Variants in NOL4 observed in about 807,000 individuals in gnomAD.
NOL4 encodes nucleolar protein 4.
Under a neutral mutation model 75.9 loss-of-function variants are expected in NOL4, and 17 were observed. The ratio of observed to expected loss-of-function variants is 0.22; its 90% CI spans 0.15 to 0.34. The LOEUF is 0.34. Among genes scored for constraint, NOL4 ranks in the 10% least tolerant of loss-of-function variants. The pLI, the probability that NOL4 is intolerant of heterozygous loss-of-function variation, is 1.00. For synonymous variants in NOL4, 292 were observed against 289.9 expected (o/e 1.01, Z -0.07); for missense variants, 614 against 793.5 (o/e 0.77, Z 2.72).
At chr18:33,927,612 A>G (rs1343371996) in intron 9 of NOL4, among the ~76,000 whole-genome samples, 2 of 152,178 alleles carry the variant, frequency 1.3e-5, no homozygotes, top group Non-Finnish European at 2.9e-5. Context: ...CTGAGGGTGG[A>G]AATTTGAAAA....
chr18:33,868,563 C>T (rs1029665357), intron 10 of NOL4, among the ~76,000 whole-genome samples: 1 of 151,672 alleles, frequency 6.6e-6, no homozygotes, highest in Non-Finnish European at 1.5e-5. Flanking sequence ...ACATAGATGC[C>T]TGTTACAACA....
At chr18:33,954,839 G>C (rs1263596317) in intron 8 of NOL4, among the ~76,000 whole-genome samples, 1 of 152,032 alleles carries the variant, frequency 6.6e-6, no homozygotes, top group African/African-American at 2.4e-5. Flanking sequence ...AGGTGAAAGA[G>C]AGATCCAGAT....
At chr18:34,150,751 CATT>C (rs1296703952) in intron 1 of NOL4, among the ~76,000 whole-genome samples, 1 of 151,604 alleles carries the variant, frequency 6.6e-6, no homozygotes, top group Admixed American at 6.6e-5. Context: ...AGCTAGACTT[CATT>C]ATAATTCAAA....
chr18:33,872,949 A>G (rs1599696993), intron 10 of NOL4, among the ~76,000 whole-genome samples: 1 of 152,040 alleles, frequency 6.6e-6, no homozygotes, highest in East Asian at 1.9e-4. Context: ...ATTCCTAAAT[A>G]TAACACATTG....
intron 1 of NOL4, among the ~76,000 whole-genome samples, chr18:34,132,892 T>G (rs1320987870): frequency 6.6e-6 from 1 of 152,134 alleles, no homozygotes; most frequent in Non-Finnish European, 1.5e-5. Flanking sequence ...GAGGTCAGAA[T>G]GCAATGGGAT....
intron 1 of NOL4, among the ~76,000 whole-genome samples, chr18:34,209,609 T>C (rs2036374723): frequency 6.6e-6 from 1 of 152,164 alleles, no homozygotes; most frequent in South Asian, 2.1e-4. Context: ...GGAGGTCTCA[T>C]TTGTGTATAT....
chr18:33,941,360 A>G (rs1393019526), intron 9 of NOL4, among the ~76,000 whole-genome samples: 1 of 151,984 alleles, frequency 6.6e-6, no homozygotes, highest in Non-Finnish European at 1.5e-5. Context: ...GGGATATTCT[A>G]GAATGTACAT....
At chr18:33,946,504 C>G (rs914980817) in intron 8 of NOL4, among the ~76,000 whole-genome samples, 5 of 151,746 alleles carry the variant, frequency 3.3e-5, no homozygotes, top group African/African-American at 1.2e-4. Flanking sequence ...AATTCAAATT[C>G]AAGTCTGATG....
At chr18:33,908,753 C>T (rs78425728) in intron 9 of NOL4, among the ~76,000 whole-genome samples, 2,180 of 152,048 alleles carry the variant, frequency 0.014, 18 homozygotes, top group Middle Eastern at 0.037. Context: ...AAGAGGAACA[C>T]GCATAGATAA....
chr18:33,987,479 A>G (rs142324518), intron 6 of NOL4, among the ~76,000 whole-genome samples: 2 of 152,246 alleles, frequency 1.3e-5, no homozygotes, highest in African/African-American at 4.8e-5. Context: ...GGTTTGCACA[A>G]TAATGAGGCA....
At chr18:34,213,472 T>C (rs2036656885) in intron 1 of NOL4, among the ~76,000 whole-genome samples, 1 of 152,122 alleles carries the variant, frequency 6.6e-6, no homozygotes, top group Non-Finnish European at 1.5e-5. Context: ...GTATTTTTAG[T>C]AGAGCCGGGG....
Position 33,855,975 on chromosome 18 carries a change from GT to G in NOL4, c.1724-2941del, listed in dbSNP as rs368657786. 8.1e-3 allele frequency among the ~76,000 whole-genome samples: 1,231 copies of G among 152,028 alleles called. 10 individuals are homozygous for G. Among genetic ancestry groups the G allele is most frequent in the South Asian group, 0.03 (147 of 4,822 alleles). The stretch of plus-strand genomic sequence containing the variant: ...AGGTAGTAGGGCCCCTTAGGACAAA[GT>G]TTTGTTTTTGCAGTGTAAATTCTCT... On this transcript the variant is annotated intron_variant, in intron 10 of 10. Coordinates refer to ENST00000261592, the MANE Select transcript of NOL4 (RefSeq NM_003787.5).
At chr18:34,122,244 G>T (rs1470756063) in intron 2 of NOL4, among the ~76,000 whole-genome samples, 1 of 152,070 alleles carries the variant, frequency 6.6e-6, no homozygotes, top group East Asian at 1.9e-4. Flanking sequence ...GAGATAGATG[G>T]ATAAAAATAG....
intron 5 of NOL4, among the ~76,000 whole-genome samples, chr18:34,054,974 A>G (rs2076774179): frequency 6.7e-6 from 1 of 149,100 alleles, no homozygotes; most frequent in South Asian, 2.1e-4. Flanking sequence ...CATATTATAT[A>G]TATTTTATAT....
intron 5 of NOL4, among the ~76,000 whole-genome samples, chr18:34,084,596 T>C (rs570040581): frequency 2.0e-4 from 30 of 152,208 alleles, no homozygotes; most frequent in Non-Finnish European, 4.0e-4. Flanking sequence ...ATACATAAGA[T>C]ATACTTTGTT....
chr18:34,206,984 T>C (rs1439396087), intron 1 of NOL4, among the ~76,000 whole-genome samples: 2 of 152,082 alleles, frequency 1.3e-5, no homozygotes, highest in African/African-American at 2.4e-5. Context: ...TCATCTGCCA[T>C]CTCCATTCTA....
intron 5 of NOL4, among the ~76,000 whole-genome samples, chr18:34,047,679 T>C (rs929046142): frequency 6.6e-6 from 1 of 152,144 alleles, no homozygotes; most frequent in Admixed American, 6.6e-5. Flanking sequence ...TTAAAATTCA[T>C]ACAAGGTTTC....
intron 5 of NOL4, among the ~76,000 whole-genome samples, chr18:34,023,012 C>T (rs979272675): frequency 3.9e-5 from 6 of 152,104 alleles, no homozygotes; most frequent in Middle Eastern, 6.9e-3. Context: ...GTAGTTCACT[C>T]CAGATGTTAC....
intron 1 of NOL4, among the ~76,000 whole-genome samples, chr18:34,203,557 G>A (rs1420347192): frequency 6.6e-6 from 1 of 151,854 alleles, no homozygotes; most frequent in Non-Finnish European, 1.5e-5. Context: ...ACCATTGGTG[G>A]GAAGTCGAGT....
Sources: gnomAD v4.1 joint callset for allele counts (sites outside exome capture counted in the v4.1 genomes callset) on GRCh38, gnomAD v4.1.1 for gene constraint, MANE v1.5 for transcripts, NCBI Gene and HGNC (gene_info 2026-07-23, HGNC 2026-07-21) for gene names.